The following STK3 variants were observed in gnomAD, a reference collection of about 807,000 sequenced individuals.
The protein encoded by STK3 is serine/threonine kinase 3, also known as serine/threonine-protein kinase 3.
In STK3, 41 loss-of-function variants were observed where a neutral mutation model predicts 58.0. The ratio of observed to expected loss-of-function variants is 0.71; its 90% CI spans 0.55 to 0.92. STK3 has a LOEUF of 0.92. Ranked by LOEUF, STK3 falls within the 40% of genes least tolerant of loss-of-function variation. The probability of loss-of-function intolerance (pLI) is 0.00; values close to 1 mark genes in which losing one functional copy is unlikely to be tolerated. For missense variants in STK3, 479 were observed against 602.7 expected, an observed-to-expected ratio of 0.79 and a Z score of 2.15; for synonymous variants, 170 against 191.0, an observed-to-expected ratio of 0.89 and a Z score of 0.91.
intron 2 of STK3, 80 bp from the exon 3 acceptor site, chr8:98,767,451 G>T: frequency 7.6e-7 from 1 of 1,323,736 alleles, no homozygotes; most frequent in Non-Finnish European, 1.0e-6. Context: ...AGTTTTCTGT[G>T]GATAGTCTTT....
upstream of STK3, chr8:98,391,475 G>A (rs1005357058): frequency 1.3e-5 from 2 of 152,098 alleles, no homozygotes; most frequent in Admixed American, 6.5e-5. Flanking sequence ...CCTTCTCCAC[G>A]ATCTCTCTGT....
chr8:98,463,779 T>C (rs1057412918), intron 10 of STK3, among the ~76,000 whole-genome samples: 2 of 152,144 alleles, frequency 1.3e-5, no homozygotes, highest in Non-Finnish European at 2.9e-5. Context: ...CGTAATTACA[T>C]GAGCGATTTT....
intron 6 of STK3, among the ~76,000 whole-genome samples, chr8:98,672,196 C>T (rs1422462798): frequency 6.6e-6 from 1 of 151,994 alleles, no homozygotes; most frequent in Non-Finnish European, 1.5e-5. Flanking sequence ...ATCCCCCAAC[C>T]TCAGCCTCCC....
chr8:98,606,906 A>G (rs1216616926), intron 6 of STK3, among the ~76,000 whole-genome samples: 1 of 152,198 alleles, frequency 6.6e-6, no homozygotes, highest in African/African-American at 2.4e-5. Flanking sequence ...GATCAAAGGA[A>G]CTGCTGAATG....
intron 10 of STK3, among the ~76,000 whole-genome samples, chr8:98,505,944 G>A (rs1824027873): frequency 6.6e-6 from 1 of 152,206 alleles, no homozygotes; most frequent in Non-Finnish European, 1.5e-5. Context: ...GTCAGACAAG[G>A]ACGTTTAAGT....
chr8:98,936,866 T>A (rs1026094627), intron 1 of STK3, among the ~76,000 whole-genome samples: 3 of 152,218 alleles, frequency 2.0e-5, no homozygotes, highest in African/African-American at 7.2e-5. Flanking sequence ...CAAGCCCACT[T>A]GCAAAGCATG....
At chr8:98,639,224 C>T (rs1321281784) in intron 6 of STK3, among the ~76,000 whole-genome samples, 2 of 152,008 alleles carry the variant, frequency 1.3e-5, no homozygotes, top group African/African-American at 2.4e-5. Context: ...ATCCTCTCAC[C>T]TCAGGTTCCT....
chr8:98,906,692 C>T (rs1227348083), intron 1 of STK3, among the ~76,000 whole-genome samples: 1 of 152,234 alleles, frequency 6.6e-6, no homozygotes, highest in Non-Finnish European at 1.5e-5. Flanking sequence ...TTCCCACTCA[C>T]ACATTTCATG....
chr8:98,808,623 C>T (rs1304064697), intron 1 of STK3, among the ~76,000 whole-genome samples: 1 of 152,076 alleles, frequency 6.6e-6, no homozygotes, highest in Non-Finnish European at 1.5e-5. Context: ...ACATTCAGCT[C>T]TTGTGCAACA....
intron 1 of STK3, among the ~76,000 whole-genome samples, chr8:98,776,684 A>G (rs926385659): frequency 6.6e-6 from 1 of 152,088 alleles, no homozygotes; most frequent in Non-Finnish European, 1.5e-5. Flanking sequence ...CACAATCTCT[A>G]GCTTGCAACT....
At chr8:98,758,934 A>T (rs577045850) in intron 3 of STK3, among the ~76,000 whole-genome samples, 2 of 152,350 alleles carry the variant, frequency 1.3e-5, no homozygotes, top group African/African-American at 4.8e-5. Context: ...CAACCTTCAT[A>T]GAATTGAAGA....
At chr8:98,718,151 T>C (rs1176072974) in intron 4 of STK3, among the ~76,000 whole-genome samples, 1 of 152,178 alleles carries the variant, frequency 6.6e-6, no homozygotes, top group Non-Finnish European at 1.5e-5. Context: ...TACACAACTT[T>C]ATAAATGTAT....
intron 10 of STK3, among the ~76,000 whole-genome samples, chr8:98,508,892 C>A (rs576995207): frequency 6.6e-6 from 1 of 152,088 alleles, no homozygotes; most frequent in South Asian, 2.1e-4. Flanking sequence ...TTTAATGACA[C>A]AAAAGATTTA....
rs1829820325 is a variant in STK3 at position 98,749,262 on chromosome 8, T to C, written c.351+14A>G. On this transcript the variant is annotated intron_variant, in intron 4 of 10. Transcript: ENST00000419617. The stretch of plus-strand genomic sequence containing the variant: ...TTAGAAATGATATTAGCAAAACAAT[T>C]TTAAAATACTTACTGTCTTGTTTCG... The C allele has an allele frequency of 6.4e-7, 1 of 1,561,556 alleles. No homozygotes were observed. The highest frequency in any genetic ancestry group is 8.8e-7 in the Non-Finnish European group (1 of 1,141,602).
chr8:98,514,945 T>C (rs998473526), intron 10 of STK3, among the ~76,000 whole-genome samples: 2 of 152,084 alleles, frequency 1.3e-5, no homozygotes, highest in African/African-American at 2.4e-5. Flanking sequence ...TCTCAAACAA[T>C]AGCAAAACCA....
At chr8:98,858,398 AC>A (rs1183604624) in intron 3 of STK3, among the ~76,000 whole-genome samples, 2 of 145,064 alleles carry the variant, frequency 1.4e-5, no homozygotes, top group African/African-American at 5.1e-5. Flanking sequence ...ATAACTCCTG[AC>A]CTCGTGATCC....
intron 10 of STK3, among the ~76,000 whole-genome samples, chr8:98,464,398 A>G (rs1285039754): frequency 6.6e-6 from 1 of 152,116 alleles, no homozygotes; most frequent in Non-Finnish European, 1.5e-5. Context: ...CACACATTTA[A>G]CTAACAATGA....
At chr8:98,681,716 G>C (rs1404041330) in intron 6 of STK3, among the ~76,000 whole-genome samples, 1 of 152,196 alleles carries the variant, frequency 6.6e-6, no homozygotes, top group Admixed American at 6.5e-5. Flanking sequence ...TGTCATTCCT[G>C]TTTCAACCTG....
At chr8:98,671,188 T>C (rs944939041) in intron 6 of STK3, among the ~76,000 whole-genome samples, 3 of 151,780 alleles carry the variant, frequency 2.0e-5, no homozygotes, top group Non-Finnish European at 4.4e-5. Flanking sequence ...CCTTCTCTTA[T>C]AACATTCTGT....
Sources: gnomAD v4.1 joint callset for allele counts (sites outside exome capture counted in the v4.1 genomes callset) on GRCh38, gnomAD v4.1.1 for gene constraint, MANE v1.5 for transcripts, NCBI Gene and HGNC (gene_info 2026-07-23, HGNC 2026-07-21) for gene names.